The following DCHS2 variants were observed in gnomAD, a reference collection of about 807,000 sequenced individuals.
The protein encoded by DCHS2 is dachsous cadherin-related 2.
Under a neutral mutation model 182.4 loss-of-function variants are expected in DCHS2, and 142 were observed. The observed-to-expected ratio is 0.78, with a 90% CI of 0.68 to 0.89. The LOEUF is 0.89. Among genes scored for constraint, DCHS2 ranks in the 40% least tolerant of loss-of-function variants. The pLI is 0.00. For synonymous variants in DCHS2, 1,740 were observed against 1,663.3 expected (o/e 1.05, Z -1.12); for missense variants, 4,319 against 4,198.6 (o/e 1.03, Z -0.79).
At chr4:154,407,259 T>G (rs1372197354) in intron 1 of DCHS2, among the ~76,000 whole-genome samples, 7 of 152,154 alleles carry the variant, frequency 4.6e-5, no homozygotes, top group Admixed American at 4.6e-4. Flanking sequence ...GAAGGTTGAG[T>G]CATATGGACC....
intron 14 of DCHS2, among the ~76,000 whole-genome samples, chr4:154,268,183 A>G (rs1733385224): frequency 6.6e-6 from 1 of 151,980 alleles, no homozygotes; most frequent in South Asian, 2.1e-4. Context: ...CTCAGCATAC[A>G]ATCTTTTCTC....
intron 1 of DCHS2, among the ~76,000 whole-genome samples, chr4:154,413,641 G>C (rs1339568594): frequency 1.3e-5 from 2 of 152,246 alleles, no homozygotes; most frequent in South Asian, 2.1e-4. Flanking sequence ...TAGGCCAATG[G>C]GGGAGCCAGT....
At chr4:154,465,196 G>A (rs1397620236) in intron 1 of DCHS2, among the ~76,000 whole-genome samples, 1 of 152,126 alleles carries the variant, frequency 6.6e-6, no homozygotes, top group Non-Finnish European at 1.5e-5. Flanking sequence ...AGATCGAGCC[G>A]CAATCATGTA....
intron 14 of DCHS2, among the ~76,000 whole-genome samples, chr4:154,261,478 G>A (rs566749103): frequency 6.6e-6 from 1 of 152,214 alleles, no homozygotes; most frequent in African/African-American, 2.4e-5. Context: ...GAAAGAATCT[G>A]TACTGGAACT....
In DCHS2 at chr4:154,234,303, A is replaced by G. The variant is rs1185546544; in HGVS notation, c.*233T>C. ...TCTGACAGAATATACACTACTTAAT[A>G]TATACAAATGTGAGTCCTGAGAGCA... is the stretch of plus-strand genomic sequence containing the variant. On this transcript the variant is annotated 3_prime_UTR_variant, in exon 20 of 20. Transcript: ENST00000357232. The G allele has an allele frequency of 2.0e-6, 1 of 500,066 alleles. No individual in the cohort carries two copies. The highest frequency in any genetic ancestry group is 3.4e-6 in the Non-Finnish European group (1 of 293,544). 31.0% of individuals were successfully genotyped at this position (500,066 alleles called of 1,614,324 possible). A position where few individuals can be genotyped will look rare whatever the true frequency, so the allele number is the denominator to read the frequency against.
At chr4:154,349,153 C>T (rs75419385) in intron 3 of DCHS2, among the ~76,000 whole-genome samples, 2,606 of 152,018 alleles carry the variant, frequency 0.017, 43 homozygotes, top group Non-Finnish European at 0.027. Flanking sequence ...AGAAACACCT[C>T]GATGTGTTCC....
chr4:154,411,598 A>G (rs1364127053), intron 1 of DCHS2, among the ~76,000 whole-genome samples: 1 of 152,194 alleles, frequency 6.6e-6, no homozygotes, highest in Non-Finnish European at 1.5e-5. Flanking sequence ...TCTCAAAAAA[A>G]AAAGAAAAGA....
chr4:154,305,244 A>T lies in DCHS2; in HGVS notation c.5261-13T>A, dbSNP rs766246272. On this transcript the variant is annotated splice_polypyrimidine_tract_variant and intron_variant, in intron 10 of 19. Transcript: ENST00000357232. ...TTGGAATTGACTCCTTAAGAAAAATATAAAGAAAAACTTAGCAATCATTTC... is the reference window on the plus strand; with the variant it reads ...TTGGAATTGACTCCTTAAGAAAAATTTAAAGAAAAACTTAGCAATCATTTC... 5.0e-6 allele frequency: 8 copies of T among 1,597,798 alleles called. No homozygotes were observed. In the Admixed American group the frequency reaches 1.2e-4, roughly 25 times the overall value.
chr4:154,338,810 G>GA (rs1728934216), intron 3 of DCHS2, among the ~76,000 whole-genome samples: 1 of 152,084 alleles, frequency 6.6e-6, no homozygotes, highest in Non-Finnish European at 1.5e-5. Flanking sequence ...CATTTTATGT[G>GA]AAAAACAAGT....
intron 1 of DCHS2, among the ~76,000 whole-genome samples, chr4:154,398,414 C>T (rs1732023326): frequency 6.6e-6 from 1 of 152,130 alleles, no homozygotes; most frequent in Non-Finnish European, 1.5e-5. Flanking sequence ...AACATAGTTA[C>T]TGTTATTATT....
At chr4:154,404,209 T>A (rs890583559) in intron 1 of DCHS2, among the ~76,000 whole-genome samples, 2 of 152,208 alleles carry the variant, frequency 1.3e-5, no homozygotes, top group African/African-American at 2.4e-5. Context: ...TTTTATATTG[T>A]ATTTTTATTA....
In DCHS2 at chr4:154,419,124, G is replaced by A. The variant is rs183640949; in HGVS notation, c.2053-41680C>T. Among the ~76,000 whole-genome samples, 67 of 152,304 alleles carry A rather than the reference G, an allele frequency of 4.4e-4. 1 individual carries two copies. The highest frequency in any genetic ancestry group is 3.5e-3 in the Admixed American group (53 of 15,304). On this transcript the variant is annotated intron_variant, in intron 1 of 19. Coordinates refer to ENST00000357232, the MANE Select transcript of DCHS2 (RefSeq NM_001358235.2). ...AATAGGCAATGCTGCCATCAGTGAC[G>A]CATTTTGCAAAATGGTAAAGTTACA... is the stretch of plus-strand genomic sequence containing the variant.
Position 154,236,695 on chromosome 4 carries a change from T to G in DCHS2, c.7957A>C (p.Ile2653Leu), listed in dbSNP as rs776677739. The change falls in exon 20 of 20, where the codon ATA becomes CTA. Residue 2653 changes from isoleucine (I) to leucine (L), a missense_variant. Ile to Leu is a conservative substitution (Grantham distance 5, BLOSUM62 2). Transcript: ENST00000357232. Reference protein sequence around the residue: ...PPLSSTAVISIQVLDVNDNPP... With the variant: ...PPLSSTAVISLQVLDVNDNPP... ...TTGTCATTGACATCAAGTACTTGTATTGATATGACAGCTGTGGAACTCAAT... is the reference window on the plus strand; with the variant it reads ...TTGTCATTGACATCAAGTACTTGTAGTGATATGACAGCTGTGGAACTCAAT... 4 of 1,613,894 alleles carry G rather than the reference T, an allele frequency of 2.5e-6. No homozygotes were observed. The highest frequency in any genetic ancestry group is 3.4e-6 in the Non-Finnish European group (4 of 1,179,968).
intron 3 of DCHS2, among the ~76,000 whole-genome samples, chr4:154,338,117 A>G (rs1260260820): frequency 6.6e-6 from 1 of 152,154 alleles, no homozygotes; most frequent in African/African-American, 2.4e-5. Context: ...TCTAGCTACC[A>G]CTATTCTATG....
chr4:154,334,869 C>CTTATTGG lies in DCHS2; in HGVS notation c.2711_2712insCCAATAA (p.Leu904PhefsTer3). 6.2e-7 allele frequency: 1 copy of CTTATTGG among 1,607,896 alleles called. No individual in the cohort carries two copies. Among genetic ancestry groups the CTTATTGG allele is most frequent in the Non-Finnish European group, 8.5e-7 (1 of 1,174,340 alleles). On this transcript the variant is annotated stop_gained and frameshift_variant and splice_region_variant, in exon 4 of 20. Transcript: ENST00000357232. LOFTEE classifies it high-confidence loss of function. ...GCAGCATAAGAAATAAGTACTTACT[C>CTTATTGG]AAGGGCTCTCTTGCTTTCACTGTTC...
chr4:154,415,016 AG>A (rs1235395641), intron 1 of DCHS2, among the ~76,000 whole-genome samples: 1 of 152,178 alleles, frequency 6.6e-6, no homozygotes, highest in African/African-American at 2.4e-5. Flanking sequence ...GTATGGCAAA[AG>A]GTTCACCCCT....
At chr4:154,428,576 C>G (rs1044917287) in intron 1 of DCHS2, among the ~76,000 whole-genome samples, 12 of 151,856 alleles carry the variant, frequency 7.9e-5, no homozygotes, top group African/African-American at 2.9e-4. Context: ...CAAAACATAA[C>G]TGCTGAGGTT....
chr4:154,443,128 T>C (rs1330493907), intron 1 of DCHS2, among the ~76,000 whole-genome samples: 1 of 152,124 alleles, frequency 6.6e-6, no homozygotes, highest in African/African-American at 2.4e-5. Flanking sequence ...ATTATTTAAA[T>C]TCCATGGTCC....
At chr4:154,460,507 G>A (rs1309961093) in intron 1 of DCHS2, among the ~76,000 whole-genome samples, 1 of 152,138 alleles carries the variant, frequency 6.6e-6, no homozygotes, top group East Asian at 1.9e-4. Context: ...TTAGTAACAG[G>A]ACTGACCTCA....
Sources: allele counts gnomAD v4.1 joint callset (sites outside exome capture counted in the v4.1 genomes callset), GRCh38; gene constraint gnomAD v4.1.1; transcripts MANE v1.5; gene names NCBI Gene and HGNC (gene_info 2026-07-23, HGNC 2026-07-21).